TEX14: variants seen among roughly 807,000 people sequenced by gnomAD.
TEX14 encodes testis expressed 14, intercellular bridge forming factor, also known as inactive serine/threonine-protein kinase TEX14.
A neutral mutation model predicts 178.6 loss-of-function variants in TEX14; 168 were observed. The ratio of observed to expected loss-of-function variants is 0.94; its 90% CI spans 0.83 to 1.07. The LOEUF (loss-of-function observed/expected upper bound fraction) is 1.07. TEX14 is among the 50% of genes least tolerant of loss of function. TEX14 has a pLI of 0.00. For synonymous variants in TEX14, 626 were observed against 634.1 expected, an observed-to-expected ratio of 0.99 and a Z score of 0.19; for missense variants, 1,730 against 1,753.6, an observed-to-expected ratio of 0.99 and a Z score of 0.24.
At chr17:58,663,124 GAA>G (rs958957447) in intron 1 of TEX14, among the ~76,000 whole-genome samples, 1 of 115,636 alleles carries the variant, frequency 8.6e-6, no homozygotes, top group Non-Finnish European at 1.9e-5. Flanking sequence ...AAAAAAAAAA[GAA>G]AAGTCATTAA....
chr17:58,685,140 T>C (rs1395254168), intron 1 of TEX14, among the ~76,000 whole-genome samples: 2 of 151,956 alleles, frequency 1.3e-5, no homozygotes, highest in Non-Finnish European at 2.9e-5. Context: ...AATACAAAAA[T>C]TGAATACATT....
Position 58,569,387 on chromosome 17 carries a change from A to G in TEX14, c.3818-127T>C. On this transcript the variant is annotated intron_variant, in intron 25 of 31. Transcript: ENST00000349033. This position sits in a 1 kb window ranked among gnomAD's most constrained non-coding sequence, Gnocchi z 4.1. ...CAATGATGAAACAAACTAAGGAGGA[A>G]GGAAGCCTCTTACATAATAGTTCCA... 1.4e-6 allele frequency: 1 copy of G among 695,918 alleles called. No homozygotes were observed. The highest frequency in any genetic ancestry group is 2.5e-6 in the Non-Finnish European group (1 of 403,410). The allele number at this position is 695,918 out of a possible 1,614,324, so 43.1% of individuals were successfully genotyped here.
chr17:58,676,377 A>T (rs2047395058), intron 1 of TEX14, among the ~76,000 whole-genome samples: 1 of 150,564 alleles, frequency 6.6e-6, no homozygotes, highest in East Asian at 2.0e-4. Flanking sequence ...AATCCATCTC[A>T]AAAAAAACCA....
Position 58,587,900 on chromosome 17 carries a change from TAG to T in TEX14, c.2696_2697del (p.Ser899TyrfsTer11). 2 of 1,498,144 alleles carry T rather than the reference TAG, an allele frequency of 1.3e-6. No individual in the cohort carries two copies. The highest frequency in any genetic ancestry group is 1.8e-6 in the Non-Finnish European group (2 of 1,105,152). 92.8% of individuals were successfully genotyped at this position (1,498,144 alleles called of 1,614,324 possible). A position where few individuals can be genotyped will look rare whatever the true frequency, so the allele number is the denominator to read the frequency against. ...PSASPSCHWDSTRMSVEPVSS... is the reference protein window; with the variant it reads ...PSASPSCHWDXTRMSVEPVSS... ...CCAGCCCACAAGGATCCTTACCTGG[TAG>T]AGTCCCAGTGACAGCTGGGTGATGC... On this transcript the variant is annotated frameshift_variant, in exon 16 of 32. Coordinates refer to ENST00000349033, the MANE Select transcript of TEX14 (RefSeq NM_031272.5). LOFTEE classifies it high-confidence loss of function.
chr17:58,618,799 T>C (rs903956286), intron 5 of TEX14, among the ~76,000 whole-genome samples: 2 of 152,254 alleles, frequency 1.3e-5, no homozygotes, highest in Admixed American at 1.3e-4. Context: ...GTCTCTGCTT[T>C]AAGCTGCTAT....
chr17:58,590,743 T>C (rs926483773), intron 15 of TEX14, among the ~76,000 whole-genome samples: 7 of 152,072 alleles, frequency 4.6e-5, no homozygotes, highest in African/African-American at 1.7e-4. Flanking sequence ...TTTGTAGAGA[T>C]GGTGTTTTGC....
At chr17:58,604,915 G>A (rs998239858) in intron 11 of TEX14, 63 bp downstream of exon 11, 7 of 1,560,428 alleles carry the variant, frequency 4.5e-6, no homozygotes, top group Non-Finnish European at 6.2e-6. Flanking sequence ...TAACTCCTGT[G>A]GGGGGAGAAA....
chr17:58,558,903 C>T (rs1421690505), intron 30 of TEX14, among the ~76,000 whole-genome samples: 1 of 152,156 alleles, frequency 6.6e-6, no homozygotes, highest in Non-Finnish European at 1.5e-5. Context: ...GGTACAGTGG[C>T]TCACACCTGT....
At chr17:58,598,816 G>T (rs1195094763) in intron 14 of TEX14, 60 bp downstream of exon 14, 7 of 1,455,028 alleles carry the variant, frequency 4.8e-6, no homozygotes, top group African/African-American at 4.2e-5. Context: ...AAGGTTTCCA[G>T]CCACAACCAT....
At chr17:58,626,099 C>T (rs544450861) in intron 3 of TEX14, among the ~76,000 whole-genome samples, 2 of 152,208 alleles carry the variant, frequency 1.3e-5, no homozygotes, top group African/African-American at 4.8e-5. Context: ...CTTGGAAATT[C>T]GGAAGATCTG....
intron 5 of TEX14, among the ~76,000 whole-genome samples, chr17:58,620,230 C>T (rs569836119): frequency 2.6e-5 from 4 of 152,218 alleles, no homozygotes; most frequent in South Asian, 2.1e-4. Context: ...TCTCCAAGGC[C>T]GGATAAGGGA....
chr17:58,583,855 C>A (rs1316880246), intron 19 of TEX14, among the ~76,000 whole-genome samples: 1 of 152,208 alleles, frequency 6.6e-6, no homozygotes, highest in Non-Finnish European at 1.5e-5. Context: ...AAAGACCTTA[C>A]ATTTTATCAC....
intron 1 of TEX14, among the ~76,000 whole-genome samples, chr17:58,682,676 C>G (rs1427249232): frequency 1.3e-5 from 2 of 152,174 alleles, no homozygotes; most frequent in Non-Finnish European, 2.9e-5. Flanking sequence ...GCCCGGCTGC[C>G]CAGCCTACAG....
At chr17:58,657,762 A>G (rs451962) in intron 1 of TEX14, among the ~76,000 whole-genome samples, 96,649 of 151,784 alleles carry the variant, frequency 0.64, 31,139 homozygotes, top group African/African-American at 0.71. Flanking sequence ...TTAGTTTATA[A>G]TTTAAACAAA....
rs1454796490 is a variant in TEX14, at chr17:58,691,240, ATT to A, written c.-2+697_-2+698del. 2.0e-5 allele frequency among the ~76,000 whole-genome samples: 3 copies of A among 152,272 alleles called. No homozygotes were observed. The East Asian group carries it at 5.8e-4, about 29-fold the overall frequency. ...TCTTCCTTTTGGCATGGCTATGGCCATTTGAAATGTGTGGGATTTGCTAAAGT... is the reference window on the plus strand; with the variant it reads ...TCTTCCTTTTGGCATGGCTATGGCCATGAAATGTGTGGGATTTGCTAAAGT... On this transcript the variant is annotated intron_variant, in intron 1 of 31. Transcript: ENST00000349033.
intron 5 of TEX14, among the ~76,000 whole-genome samples, chr17:58,620,180 G>A (rs2045965995): frequency 6.6e-6 from 1 of 152,210 alleles, no homozygotes; most frequent in East Asian, 1.9e-4. Flanking sequence ...GCCAGGGGCA[G>A]AGGCAGGAGA....
At chr17:58,665,630 T>C (rs560727278) in intron 1 of TEX14, among the ~76,000 whole-genome samples, 1 of 151,858 alleles carries the variant, frequency 6.6e-6, no homozygotes, top group Admixed American at 6.6e-5. Flanking sequence ...CCACAACTCA[T>C]TGCGTTTACC....
intron 1 of TEX14, chr17:58,661,159 A>C (rs760265075): frequency 1.2e-6 from 1 of 821,420 alleles, no homozygotes; most frequent in South Asian, 1.3e-5. Context: ...CGAGGCTAGG[A>C]TAAGCCGTGG....
chr17:58,595,913 G>A (rs973957374), intron 14 of TEX14, among the ~76,000 whole-genome samples: 2 of 152,200 alleles, frequency 1.3e-5, no homozygotes, highest in South Asian at 2.1e-4. Flanking sequence ...GGCCGGGCGC[G>A]GTCGCTCACA....
Sources: allele counts gnomAD v4.1 joint callset (sites outside exome capture counted in the v4.1 genomes callset), GRCh38; gene constraint gnomAD v4.1.1; non-coding constraint Gnocchi (gnomAD v3.1); transcripts MANE v1.5; gene names NCBI Gene and HGNC (gene_info 2026-07-23, HGNC 2026-07-21).